Variants in HS6ST3 observed in about 807,000 individuals in gnomAD.
HS6ST3 encodes the protein heparan-sulfate 6-O-sulfotransferase 3.
Under a neutral mutation model 36.7 loss-of-function variants are expected in HS6ST3, and 12 were observed. The observed-to-expected ratio is 0.33, with a 90% confidence interval of 0.21 to 0.53. HS6ST3 has a LOEUF of 0.53. Among genes scored for constraint, HS6ST3 ranks in the 20% least tolerant of loss-of-function variants. HS6ST3 has a pLI of 0.95. For synonymous variants in HS6ST3, 240 were observed against 257.5 expected, an observed-to-expected ratio of 0.93 and a Z score of 0.65; for missense variants, 584 against 640.9, an observed-to-expected ratio of 0.91 and a Z score of 0.96.
intron 1 of HS6ST3, among the ~76,000 whole-genome samples, chr13:96,795,092 C>G (rs2138522952): frequency 6.6e-6 from 1 of 152,082 alleles, no homozygotes; most frequent in South Asian, 2.1e-4. Flanking sequence ...TAGCTCACTG[C>G]CTAAAAAATT....
At chr13:96,730,612 G>A (rs1273708763) in intron 1 of HS6ST3, among the ~76,000 whole-genome samples, 1 of 152,034 alleles carries the variant, frequency 6.6e-6, no homozygotes, top group African/African-American at 2.4e-5. Flanking sequence ...CTGTTGCCTA[G>A]GCTGGAGTAC....
At chr13:96,823,784 T>C (rs2138544005) in intron 1 of HS6ST3, among the ~76,000 whole-genome samples, 1 of 152,200 alleles carries the variant, frequency 6.6e-6, no homozygotes, top group African/African-American at 2.4e-5. Context: ...CATGCCAGGC[T>C]ACTTTTTGTA....
At chr13:96,143,029 A>G (rs1304264057) in intron 1 of HS6ST3, among the ~76,000 whole-genome samples, 1 of 152,044 alleles carries the variant, frequency 6.6e-6, no homozygotes, top group Non-Finnish European at 1.5e-5. Flanking sequence ...TGTAAATGCT[A>G]TTTCATATAA....
intron 1 of HS6ST3, among the ~76,000 whole-genome samples, chr13:96,539,602 G>T (rs145875328): frequency 1.3e-5 from 2 of 152,024 alleles, no homozygotes; most frequent in Non-Finnish European, 2.9e-5. Flanking sequence ...TGATCCACCC[G>T]CCTCAGCCTC....
chr13:96,305,071 A>G (rs1414220311), intron 1 of HS6ST3, among the ~76,000 whole-genome samples: 1 of 152,028 alleles, frequency 6.6e-6, no homozygotes, highest in African/African-American at 2.4e-5. Context: ...ATTCATCAAG[A>G]GATCACAGGA....
At chr13:96,197,598 A>G (rs1374265885) in intron 1 of HS6ST3, among the ~76,000 whole-genome samples, 1 of 152,192 alleles carries the variant, frequency 6.6e-6, no homozygotes, top group East Asian at 1.9e-4. Flanking sequence ...AGACAAGGCA[A>G]GTCCCTTCTG....
intron 1 of HS6ST3, among the ~76,000 whole-genome samples, chr13:96,672,345 T>C (rs1428108533): frequency 6.6e-6 from 1 of 152,224 alleles, no homozygotes; most frequent in Non-Finnish European, 1.5e-5. Context: ...GTTACTTTGC[T>C]TAATTTTTGT....
chr13:96,334,361 A>G (rs2139422669), intron 1 of HS6ST3, among the ~76,000 whole-genome samples: 1 of 152,146 alleles, frequency 6.6e-6, no homozygotes, highest in East Asian at 1.9e-4. Context: ...TTCACCTTCC[A>G]CCATGAGTGA....
chr13:96,474,753 T>C (rs1364891271), intron 1 of HS6ST3, among the ~76,000 whole-genome samples: 3 of 152,162 alleles, frequency 2.0e-5, no homozygotes, highest in East Asian at 1.9e-4. Context: ...TTCAACTTAA[T>C]AGGAAAAGAA....
At chr13:96,380,389 CT>C (rs1408647519) in intron 1 of HS6ST3, among the ~76,000 whole-genome samples, 1 of 151,886 alleles carries the variant, frequency 6.6e-6, no homozygotes, top group Non-Finnish European at 1.5e-5. Context: ...CCTCAGCCTC[CT>C]GAGTAGCTGG....
intron 1 of HS6ST3, among the ~76,000 whole-genome samples, chr13:96,466,088 C>T (rs1372116054): frequency 6.6e-6 from 1 of 151,930 alleles, no homozygotes; most frequent in African/African-American, 2.4e-5. Context: ...CGAGATCAGT[C>T]TGATCAACAT....
chr13:96,195,283 A>G (rs1566283782), intron 1 of HS6ST3, among the ~76,000 whole-genome samples: 1 of 152,266 alleles, frequency 6.6e-6, no homozygotes, highest in Non-Finnish European at 1.5e-5. Flanking sequence ...GCTTCCTGAA[A>G]GTAGCAATGA....
At chr13:96,321,439 A>G (rs2055002496) in intron 1 of HS6ST3, among the ~76,000 whole-genome samples, 2 of 152,118 alleles carry the variant, frequency 1.3e-5, no homozygotes, top group South Asian at 2.1e-4. Context: ...AGTCCAGACT[A>G]TTTATCATTG....
chr13:96,097,477 C>T (rs545554003), intron 1 of HS6ST3, among the ~76,000 whole-genome samples: 18 of 152,192 alleles, frequency 1.2e-4, no homozygotes, highest in African/African-American at 4.1e-4. Context: ...AGTATGAAAA[C>T]AATTAAATGG....
chr13:96,700,919 G>A (rs1051750724), intron 1 of HS6ST3, among the ~76,000 whole-genome samples: 3 of 152,098 alleles, frequency 2.0e-5, no homozygotes, highest in East Asian at 1.9e-4. Context: ...CCTTACTCAT[G>A]TCAGGCAAGG....
At chr13:96,667,327 A>G (rs1349952278) in intron 1 of HS6ST3, among the ~76,000 whole-genome samples, 1 of 152,196 alleles carries the variant, frequency 6.6e-6, no homozygotes, top group East Asian at 1.9e-4. Flanking sequence ...TGAATACAGA[A>G]TCAGTTGCTT....
intron 1 of HS6ST3, among the ~76,000 whole-genome samples, chr13:96,694,788 A>G (rs1348684765): frequency 6.6e-6 from 1 of 152,164 alleles, no homozygotes; most frequent in East Asian, 1.9e-4. Context: ...TCTAATGATC[A>G]GTGATGTTGA....
At chr13:96,406,808 G>T (rs1204425171) in intron 1 of HS6ST3, among the ~76,000 whole-genome samples, 1 of 152,152 alleles carries the variant, frequency 6.6e-6, no homozygotes, top group African/African-American at 2.4e-5. Context: ...TTACTCTAAG[G>T]AGATTTTGAT....
At chr13:96,202,718 T>A (rs1241707313) in intron 1 of HS6ST3, among the ~76,000 whole-genome samples, 3 of 152,146 alleles carry the variant, frequency 2.0e-5, no homozygotes, top group African/African-American at 4.8e-5. Context: ...TAGGAACCCA[T>A]CTCACAGGTT....
Sources: allele counts gnomAD v4.1 joint callset (sites outside exome capture counted in the v4.1 genomes callset), GRCh38; gene constraint gnomAD v4.1.1; transcripts MANE v1.5; gene names NCBI Gene and HGNC (gene_info 2026-07-23, HGNC 2026-07-21).